Variants in ECSCR observed in about 807,000 individuals in gnomAD.
ECSCR encodes the protein endothelial cell surface expressed chemotaxis and apoptosis regulator, also known as endothelial cell-specific chemotaxis regulator.
A neutral mutation model predicts 16.7 loss-of-function variants in ECSCR; 12 were observed. That is an observed-to-expected ratio of 0.72 (90% confidence interval 0.46 to 1.17). The LOEUF is 1.17. Among genes scored for constraint, ECSCR ranks in the 50% most tolerant of loss-of-function variants. The pLI is 0.00. For synonymous variants in ECSCR, 44 were observed against 42.2 expected (o/e 1.04, Z -0.17); for missense variants, 122 against 116.1 (o/e 1.05, Z -0.23).
intron 1 of ECSCR, among the ~76,000 whole-genome samples, chr5:139,458,500 C>CAAAAAAAAAAAAAAAAAAAAAAAAAAA (rs397882364): frequency 1.1e-4 from 9 of 85,354 alleles, no homozygotes; most frequent in African/African-American, 5.1e-4. Flanking sequence ...CCTATCTCAA[C>CAAAAAAAAAAAAAAAAAAAAAAAAAAA]AAAAAAAAAA....
In ECSCR at chr5:139,448,639, C is replaced by G; in HGVS notation, c.*261G>C. The G allele has an allele frequency of 1.9e-6, 2 of 1,040,306 alleles. No individual in the cohort carries two copies. The highest frequency in any genetic ancestry group is 4.3e-5 in the South Asian group (2 of 47,042). The allele number at this position is 1,040,306 out of a possible 1,614,324, so 64.4% of individuals were successfully genotyped here. A position where few individuals can be genotyped will look rare whatever the true frequency, so the allele number is the denominator to read the frequency against. On this transcript the variant is annotated 3_prime_UTR_variant, in exon 10 of 10. Transcript: ENST00000618155. ...ACTTTCCTTGCTCTCTCTCTGTCAC[C>G]TCCTCTTTCCTGTGGCTCTGAGGAG...
intron 5 of ECSCR, among the ~76,000 whole-genome samples, chr5:139,456,103 C>T (rs1008360975): frequency 1.7e-3 from 262 of 152,236 alleles, no homozygotes; most frequent in Non-Finnish European, 3.1e-3. Context: ...GCATAGGCAA[C>T]AGAGCGAGAC....
At chr5:139,461,153 C>T (rs1751293416) in intron 1 of ECSCR, among the ~76,000 whole-genome samples, 1 of 152,122 alleles carries the variant, frequency 6.6e-6, no homozygotes, top group African/African-American at 2.4e-5. Context: ...ATGGAGCAAC[C>T]CTGTCTCAAA....
rs555352781 is a variant in ECSCR at position 139,448,565 on chromosome 5, G to A, written c.*335C>T. On this transcript the variant is annotated 3_prime_UTR_variant, in exon 10 of 10. Transcript: ENST00000618155. Reference sequence around the variant, plus strand: ...GACCTTAAAAGTAATTAGACTGCAGGCTAGAAAATAATTTTAATGCAAAGT... The same window carrying A: ...GACCTTAAAAGTAATTAGACTGCAGACTAGAAAATAATTTTAATGCAAAGT... The A allele has an allele frequency of 1.0e-5, 4 of 397,538 alleles. No homozygotes were observed. The highest frequency in any genetic ancestry group is 6.1e-5 in the African/African-American group (3 of 49,292). 24.6% of individuals were successfully genotyped at this position (397,538 alleles called of 1,614,324 possible). A position where few individuals can be genotyped will look rare whatever the true frequency, so the allele number is the denominator to read the frequency against.
chr5:139,458,506 A>C (rs1335315628), intron 1 of ECSCR, among the ~76,000 whole-genome samples: 11 of 8,402 alleles, frequency 1.3e-3, no homozygotes, highest in African/African-American at 2.2e-3. Context: ...TCAACAAAAA[A>C]AAAAAAAAAA....
intron 8 of ECSCR, among the ~76,000 whole-genome samples, chr5:139,452,202 G>A (rs1751069312): frequency 6.8e-6 from 1 of 146,826 alleles, no homozygotes; most frequent in African/African-American, 2.5e-5. Flanking sequence ...GTGGGGTGTG[G>A]GATGTGTGGT....
chr5:139,450,233 C>T (rs1354797188), intron 8 of ECSCR, among the ~76,000 whole-genome samples: 3 of 152,040 alleles, frequency 2.0e-5, no homozygotes, highest in Admixed American at 6.6e-5. Context: ...AGTAATGTCT[C>T]GGCTTACACC....
Position 139,460,552 on chromosome 5 carries a change from G to T in ECSCR, c.61+2058C>A, listed in dbSNP as rs192236914. On this transcript the variant is annotated intron_variant, in intron 1 of 9. Coordinates refer to ENST00000618155, the MANE Select transcript of ECSCR (RefSeq NM_001077693.4). Reference sequence around the variant, plus strand: ...AGAAAGAAAATTATTCAGTGGCTTGGGAGGAGTTCCAAAGTCACAAGCTTC... The same window carrying T: ...AGAAAGAAAATTATTCAGTGGCTTGTGAGGAGTTCCAAAGTCACAAGCTTC... 1.1e-3 allele frequency among the ~76,000 whole-genome samples: 171 copies of T among 152,286 alleles called. No individual in the cohort carries two copies. In the Middle Eastern group the frequency reaches 0.024, roughly 21 times the overall value.
chr5:139,462,489 G>A, intron 1 of ECSCR, 121 bp downstream of exon 1: 1 of 1,038,372 alleles, frequency 9.6e-7, no homozygotes, highest in Non-Finnish European at 1.5e-6. Context: ...GAAAGGCTCT[G>A]GAATTTCCCC....
rs1751200385 is a variant in ECSCR at position 139,458,122 on chromosome 5, C to T, written c.106+17G>A. 2 of 1,548,754 alleles carry T rather than the reference C, an allele frequency of 1.3e-6. No individual in the cohort carries two copies. The highest frequency in any genetic ancestry group is 2.0e-5 in the Admixed American group (1 of 50,962). On this transcript the variant is annotated intron_variant, in intron 2 of 9. Coordinates refer to ENST00000618155, the MANE Select transcript of ECSCR (RefSeq NM_001077693.4). Reference sequence around the variant, plus strand: ...CTAGGCCTACACGCTGGAGTAGACCCATGTGTTTGGTCTTACCCTGAGAGC... The same window carrying T: ...CTAGGCCTACACGCTGGAGTAGACCTATGTGTTTGGTCTTACCCTGAGAGC...
chr5:139,455,079 GC>G (rs1471560540), intron 6 of ECSCR, among the ~76,000 whole-genome samples, 156 bp from the exon 7 acceptor site: 152,200 of 152,200 alleles, frequency 1, 76,100 homozygotes, highest in Non-Finnish European at 1. Flanking sequence ...CTCTCAGCCT[GC>G]CCGCCCCCTA....
chr5:139,457,387 C>T (rs952780094), intron 4 of ECSCR, among the ~76,000 whole-genome samples, 158 bp downstream of exon 4: 2 of 152,150 alleles, frequency 1.3e-5, no homozygotes, highest in African/African-American at 4.8e-5. Flanking sequence ...TGGTGCCCAC[C>T]GCAGCCCTTC....
At chr5:139,455,461 A>G (rs1400795560) in intron 5 of ECSCR, 25 bp from the exon 6 acceptor site, 3 of 397,920 alleles carry the variant, frequency 7.5e-6, no homozygotes, top group African/African-American at 6.2e-5. Context: ...AGTCAGGGGC[A>G]TCAGCGAAGG....
intron 8 of ECSCR, among the ~76,000 whole-genome samples, chr5:139,450,775 CAA>C (rs952414998): frequency 1.5e-4 from 14 of 95,296 alleles, no homozygotes; most frequent in Admixed American, 2.2e-4. Flanking sequence ...GACTCCATGT[CAA>C]AAAAAAAAAA....
At chr5:139,456,403 G>C (rs1751158841) in intron 5 of ECSCR, 71 bp downstream of exon 5, 1 of 397,838 alleles carries the variant, frequency 2.5e-6, no homozygotes, top group Non-Finnish European at 4.4e-6. Flanking sequence ...AGAGCCAAGG[G>C]ATAAGACGAG....
intron 8 of ECSCR, among the ~76,000 whole-genome samples, chr5:139,453,726 T>C (rs1401634081): frequency 5.2e-4 from 75 of 145,330 alleles, no homozygotes; most frequent in African/African-American, 1.9e-3. Context: ...GTGTGGTGTA[T>C]GCATAGTGTG....
chr5:139,458,988 C>T (rs1751230823), intron 1 of ECSCR, among the ~76,000 whole-genome samples: 1 of 152,092 alleles, frequency 6.6e-6, no homozygotes, highest in African/African-American at 2.4e-5. Context: ...GACTGTGACT[C>T]AATAGCAACA....
chr5:139,461,970 T>G (rs1751315862), intron 1 of ECSCR, among the ~76,000 whole-genome samples: 1 of 152,120 alleles, frequency 6.6e-6, no homozygotes. Context: ...GCTTCACAAC[T>G]CATTGGCTGG....
intron 1 of ECSCR, among the ~76,000 whole-genome samples, chr5:139,461,368 A>G (rs954768788): frequency 2.0e-5 from 3 of 152,134 alleles, no homozygotes; most frequent in African/African-American, 4.8e-5. Context: ...ATGGGCCTGA[A>G]TGTGCTCAGG....
Sources: allele counts gnomAD v4.1 joint callset (sites outside exome capture counted in the v4.1 genomes callset), GRCh38; gene constraint gnomAD v4.1.1; transcripts MANE v1.5; gene names NCBI Gene and HGNC (gene_info 2026-07-23, HGNC 2026-07-21).